NEK10: variants seen among roughly 807,000 people sequenced by gnomAD.
The protein encoded by NEK10 is NIMA related kinase 10, also known as serine/threonine-protein kinase Nek10.
NEK10 carries 122 observed loss-of-function variants against 159.8 expected under a neutral mutation model. That is an observed-to-expected ratio of 0.76 (90% confidence interval 0.66 to 0.89). The LOEUF is 0.89. NEK10 is among the 40% of genes least tolerant of loss of function. The pLI, the probability that NEK10 is intolerant of heterozygous loss-of-function variation, is 0.00. For synonymous variants in NEK10, 466 were observed against 457.1 expected, an observed-to-expected ratio of 1.02 and a Z score of -0.25; for missense variants, 1,342 against 1,323.1, an observed-to-expected ratio of 1.01 and a Z score of -0.22.
chr3:27,286,069 A>G (rs553269580), intron 20 of NEK10, among the ~76,000 whole-genome samples: 1 of 105,930 alleles, frequency 9.4e-6, no homozygotes, highest in Non-Finnish European at 1.9e-5. Flanking sequence ...TTTTTAAGCC[A>G]TTTCCAATTC....
rs1197035719 is a variant in NEK10, at chr3:27,232,016, A to G, written c.2090+24280T>C. 2.0e-5 allele frequency among the ~76,000 whole-genome samples: 3 copies of G among 151,916 alleles called. No individual in the cohort carries two copies. In the East Asian group the frequency reaches 5.8e-4, roughly 29 times the overall value. ...CCACTGTCACCCTAATACAAAAACC[A>G]GGAAAGGACATAACAAAAAAAGAAA... On this transcript the variant is annotated intron_variant, in intron 23 of 35. Transcript: ENST00000691995.
chr3:27,126,752 C>G (rs1243327538), intron 32 of NEK10, among the ~76,000 whole-genome samples: 1 of 150,454 alleles, frequency 6.6e-6, no homozygotes, highest in Non-Finnish European at 1.5e-5. Context: ...TTAGAATCAC[C>G]TGGGAGCAAA....
chr3:27,153,261 A>T (rs1945066076), intron 30 of NEK10, among the ~76,000 whole-genome samples: 1 of 151,294 alleles, frequency 6.6e-6, no homozygotes, highest in Non-Finnish European at 1.5e-5. Context: ...CGAAGCTTGC[A>T]GTGAGCCAAG....
At chr3:27,332,792 G>T (rs577038807) in intron 5 of NEK10, among the ~76,000 whole-genome samples, 1 of 152,122 alleles carries the variant, frequency 6.6e-6, no homozygotes, top group South Asian at 2.1e-4. Flanking sequence ...ATAACAACCT[G>T]GTCTTGGATA....
intron 23 of NEK10, among the ~76,000 whole-genome samples, chr3:27,247,845 G>A (rs188475516): frequency 1.4e-3 from 195 of 138,176 alleles, no homozygotes; most frequent in African/African-American, 5.0e-3. Context: ...TTCTGGAGGC[G>A]TCTTTGTCTG....
chr3:27,327,595 C>G (rs933375493), intron 5 of NEK10, among the ~76,000 whole-genome samples: 5 of 152,238 alleles, frequency 3.3e-5, no homozygotes, highest in Non-Finnish European at 5.9e-5. Flanking sequence ...GTAAGAGAAA[C>G]AAATATGTGA....
At chr3:27,205,831 T>C (rs1950497613) in intron 23 of NEK10, among the ~76,000 whole-genome samples, 1 of 145,300 alleles carries the variant, frequency 6.9e-6, no homozygotes, top group African/African-American at 2.6e-5. Context: ...CCAAAAGCAA[T>C]GGCAACAAAA....
chr3:27,259,663 G>A (rs2040223501), intron 22 of NEK10, among the ~76,000 whole-genome samples: 1 of 152,148 alleles, frequency 6.6e-6, no homozygotes, highest in Non-Finnish European at 1.5e-5. Flanking sequence ...GATGCCTCCA[G>A]CTTTGTTCTT....
Position 27,115,965 on chromosome 3 carries a change from C to T in NEK10, c.3274G>A (p.Gly1092Ser), listed in dbSNP as rs780740564. ...TVIEEVLEES[G>S]YYNFTSNRYH... ...CTGTTAGATGTAAAATTGTAATAGC[C>T]ACTTTCCTCAAGGACTTCTTCAATC... Residue 1092 changes from glycine (G) to serine (S), a missense_variant, in exon 35 of 36, where the codon GGC becomes AGC. Coordinates refer to ENST00000691995, the MANE Select transcript of NEK10 (RefSeq NM_001394966.1). The T allele has an allele frequency of 2.5e-6, 4 of 1,612,812 alleles. No homozygotes were observed. Among genetic ancestry groups the T allele is most frequent in the Non-Finnish European group, 3.4e-6 (4 of 1,179,188 alleles).
intron 30 of NEK10, among the ~76,000 whole-genome samples, chr3:27,157,108 C>G (rs1426325317): frequency 6.6e-6 from 1 of 151,060 alleles, no homozygotes; most frequent in Non-Finnish European, 1.5e-5. Context: ...TATCTTCTCA[C>G]TGATATGTGG....
intron 20 of NEK10, among the ~76,000 whole-genome samples, chr3:27,287,132 T>C (rs1349968257): frequency 9.2e-6 from 1 of 109,082 alleles, no homozygotes; most frequent in Non-Finnish European, 1.8e-5. Flanking sequence ...TCATAGGCCC[T>C]ACTTAAAAAA....
intron 30 of NEK10, among the ~76,000 whole-genome samples, chr3:27,156,488 C>G (rs1945432508): frequency 3.3e-5 from 5 of 151,452 alleles, no homozygotes; most frequent in Admixed American, 3.3e-4. Context: ...AAAAGTGGGC[C>G]AAAGATATGA....
chr3:27,189,915 T>C (rs911630667), intron 26 of NEK10, among the ~76,000 whole-genome samples: 2 of 152,186 alleles, frequency 1.3e-5, no homozygotes, highest in African/African-American at 4.8e-5. Flanking sequence ...ATGAGGGCAC[T>C]GAGGCTGGCT....
intron 6 of NEK10, among the ~76,000 whole-genome samples, chr3:27,315,305 T>C (rs1009681038): frequency 6.6e-6 from 1 of 152,002 alleles, no homozygotes; most frequent in African/African-American, 2.4e-5. Flanking sequence ...AGCCAGTGAG[T>C]GGGCAGACTG....
intron 22 of NEK10, among the ~76,000 whole-genome samples, chr3:27,277,306 G>C (rs1239865435): frequency 3.3e-5 from 5 of 152,150 alleles, no homozygotes; most frequent in African/African-American, 1.2e-4. Flanking sequence ...CTTGTTGTGA[G>C]ATAACTAAAT....
At chr3:27,177,617 T>C (rs1176893813) in intron 26 of NEK10, among the ~76,000 whole-genome samples, 1 of 152,116 alleles carries the variant, frequency 6.6e-6, no homozygotes, top group Non-Finnish European at 1.5e-5. Flanking sequence ...AAAATTGATA[T>C]AATTTTTGAC....
intron 11 of NEK10, among the ~76,000 whole-genome samples, chr3:27,307,227 A>G (rs572427995): frequency 6.6e-6 from 1 of 152,364 alleles, no homozygotes; most frequent in Admixed American, 6.5e-5. Flanking sequence ...AAAAGGATTT[A>G]CTATGAGTTA....
At chr3:27,194,161 T>C (rs896465499) in intron 25 of NEK10, 5 of 150,876 alleles carry the variant, frequency 3.3e-5, no homozygotes, top group African/African-American at 1.2e-4. Context: ...AGTCTCGCTC[T>C]GTCGCCCAGT....
chr3:27,365,309 C>G (rs1484543443), intron 1 of NEK10, among the ~76,000 whole-genome samples: 1 of 152,078 alleles, frequency 6.6e-6, no homozygotes, highest in African/African-American at 2.4e-5. Context: ...GCTTAGGTAT[C>G]TTTTGTAGAC....
Sources: allele counts gnomAD v4.1 joint callset (sites outside exome capture counted in the v4.1 genomes callset), GRCh38; gene constraint gnomAD v4.1.1; transcripts MANE v1.5; gene names NCBI Gene and HGNC (gene_info 2026-07-23, HGNC 2026-07-21).